PTCRA: variants seen among roughly 807,000 people sequenced by gnomAD.
PTCRA encodes the protein pre T-cell antigen receptor alpha.
Under a neutral mutation model 13.4 loss-of-function variants are expected in PTCRA, and 9 were observed. The ratio of observed to expected loss-of-function variants is 0.67; its 90% CI spans 0.41 to 1.18. The LOEUF (loss-of-function observed/expected upper bound fraction) is 1.18, where lower values mean the gene tolerates loss of function less well. PTCRA is among the 50% of genes most tolerant of loss of function. The pLI is 0.01. For synonymous variants in PTCRA, 153 were observed against 161.9 expected (o/e 0.94, Z 0.42); for missense variants, 353 against 359.8 (o/e 0.98, Z 0.15).
Position 42,925,734 on chromosome 6 carries a change from C to A in PTCRA, c.*52C>A. The A allele has an allele frequency of 7.6e-7, 1 of 1,320,158 alleles. No individual in the cohort carries two copies. Among genetic ancestry groups the A allele is most frequent in the Non-Finnish European group, 1.0e-6 (1 of 980,220 alleles). The allele number at this position is 1,320,158 out of a possible 1,614,324, so 81.8% of individuals were successfully genotyped here. ...ACACTGTGTGAGGCTGTGTCTCTGC[C>A]ATCCAAAAGGGGGCCCCTTGAGAAT... On this transcript the variant is annotated 3_prime_UTR_variant, in exon 4 of 4. Coordinates refer to ENST00000304672, the MANE Select transcript of PTCRA (RefSeq NM_138296.3). The surrounding 1 kb of genome is among the most constrained non-coding windows in gnomAD (Gnocchi z 4.4).
intron 1 of PTCRA, among the ~76,000 whole-genome samples, chr6:42,919,398 T>C (rs1011299632): frequency 1.3e-5 from 2 of 152,078 alleles, no homozygotes; most frequent in African/African-American, 4.8e-5. Context: ...GACATTTCTT[T>C]CGTTTGGCTA....
chr6:42,916,212 T>G, intron 1 of PTCRA, 85 bp downstream of exon 1: 1 of 1,325,276 alleles, frequency 7.5e-7, no homozygotes, highest in Non-Finnish European at 1.1e-6. Context: ...TGGGTACTGA[T>G]GGGCTGCAGG....
chr6:42,924,498 T>C (rs768418672), intron 3 of PTCRA: 17 of 600,996 alleles, frequency 2.8e-5, no homozygotes, highest in Non-Finnish European at 4.7e-5. Context: ...TCCTGGACAT[T>C]AGTTGAGAAG....
At chr6:42,923,866 G>A (rs1767304508) in intron 2 of PTCRA, among the ~76,000 whole-genome samples, 1 of 152,196 alleles carries the variant, frequency 6.6e-6, no homozygotes, top group Non-Finnish European at 1.5e-5. Flanking sequence ...TCACTGACCA[G>A]ATGACTTACT....
intron 1 of PTCRA, chr6:42,922,362 T>C: frequency 1.5e-6 from 1 of 652,298 alleles, no homozygotes; most frequent in Non-Finnish European, 2.8e-6. Context: ...CTCTAGTTCC[T>C]GGAACAGAAA....
At chr6:42,918,063 C>T (rs1766962415) in intron 1 of PTCRA, among the ~76,000 whole-genome samples, 1 of 152,066 alleles carries the variant, frequency 6.6e-6, no homozygotes, top group Admixed American at 6.6e-5. Context: ...TGAGACCAGC[C>T]TGGCCAACAT....
rs573173673 is a variant in PTCRA at position 42,916,248 on chromosome 6, ACCTCTGGGGAGGGTC to A, written c.58+135_58+149del. The A allele has an allele frequency of 5.7e-3, 5,674 of 1,000,366 alleles. 34 individuals carry two copies. The highest frequency in any genetic ancestry group is 0.016 in the Middle Eastern group (76 of 4,656). The allele number at this position is 1,000,366 out of a possible 1,614,324, so 62.0% of individuals were successfully genotyped here. A position where few individuals can be genotyped will look rare whatever the true frequency, so the allele number is the denominator to read the frequency against. ...GAGGCAGGACAAGAGATATTTAGGG[ACCTCTGGGGAGGGTC>A]CCTCTGGGGAGGGGACCTCTGGGGA... is the stretch of plus-strand genomic sequence containing the variant. On this transcript the variant is annotated intron_variant, in intron 1 of 3. Coordinates refer to ENST00000304672, the MANE Select transcript of PTCRA (RefSeq NM_138296.3).
chr6:42,918,378 A>AC (rs1427352074), intron 1 of PTCRA, among the ~76,000 whole-genome samples: 15 of 151,344 alleles, frequency 9.9e-5, no homozygotes, highest in African/African-American at 3.2e-4. Context: ...AGATGGTGAA[A>AC]CCCCATCTCT....
At chr6:42,916,704 C>T (rs1766891382) in intron 1 of PTCRA, among the ~76,000 whole-genome samples, 1 of 152,158 alleles carries the variant, frequency 6.6e-6, no homozygotes, top group Admixed American at 6.6e-5. Context: ...CCAAAGGACT[C>T]ATGTTTTGAG....
chr6:42,922,444 A>G (rs1767219909), intron 1 of PTCRA, among the ~76,000 whole-genome samples: 1 of 152,110 alleles, frequency 6.6e-6, no homozygotes, highest in Non-Finnish European at 1.5e-5. Context: ...CATAGATGAA[A>G]GGTAGAAAGA....
Position 42,925,716 on chromosome 6 carries a change from G to A in PTCRA, c.*34G>A. ...CTCTACCTCCCCTGCGTCACACTGTGTGAGGCTGTGTCTCTGCCATCCAAA... is the reference window on the plus strand; with the variant it reads ...CTCTACCTCCCCTGCGTCACACTGTATGAGGCTGTGTCTCTGCCATCCAAA... On this transcript the variant is annotated 3_prime_UTR_variant, in exon 4 of 4. Coordinates refer to ENST00000304672, the MANE Select transcript of PTCRA (RefSeq NM_138296.3). This position sits in a 1 kb window ranked among gnomAD's most constrained non-coding sequence, Gnocchi z 4.4. 1 of 1,423,244 alleles carries A rather than the reference G, an allele frequency of 7.0e-7. No individual in the cohort carries two copies. The highest frequency in any genetic ancestry group is 9.4e-7 in the Non-Finnish European group (1 of 1,061,198). 88.2% of individuals were successfully genotyped at this position (1,423,244 alleles called of 1,614,324 possible). A position where few individuals can be genotyped will look rare whatever the true frequency, so the allele number is the denominator to read the frequency against.
In PTCRA at chr6:42,924,249, A is replaced by G. The variant is rs761444307; in HGVS notation, c.400A>G (p.Thr134Ala). 6.8e-6 allele frequency: 11 copies of G among 1,611,736 alleles called. No homozygotes were observed. Among genetic ancestry groups the G allele is most frequent in the Non-Finnish European group, 4.2e-6 (5 of 1,179,262 alleles). Residue 134 changes from threonine to alanine, a missense_variant, in exon 3 of 4, where the codon ACC (threonine) becomes GCC (alanine). Physicochemically the swap from Thr to Ala is moderately conservative, Grantham distance 58. Coordinates refer to ENST00000304672, the MANE Select transcript of PTCRA (RefSeq NM_138296.3). ...HLSGEASTAR[T>A]CPQEPLRGTP... is the part of the protein sequence containing the mutation. Reference sequence around the variant, plus strand: ...AACAGGAGAGGCTTCTACAGCCAGGACCTGCCCCCAGGAGCCTCTCAGGGG... The same window carrying G: ...AACAGGAGAGGCTTCTACAGCCAGGGCCTGCCCCCAGGAGCCTCTCAGGGG...
At chr6:42,922,316 T>C (rs1767212184) in intron 1 of PTCRA, 3 of 696,452 alleles carry the variant, frequency 4.3e-6, no homozygotes, top group Middle Eastern at 4.6e-4. Context: ...ACTGAGTTCC[T>C]TGAGAGCAGG....
chr6:42,920,385 G>C (rs1767096579), intron 1 of PTCRA, among the ~76,000 whole-genome samples: 2 of 151,682 alleles, frequency 1.3e-5, no homozygotes, highest in African/African-American at 4.8e-5. Context: ...GGAAAATATA[G>C]GAAAAATGTT....
chr6:42,920,639 A>G (rs558195801), intron 1 of PTCRA, among the ~76,000 whole-genome samples: 1 of 151,448 alleles, frequency 6.6e-6, no homozygotes, highest in African/African-American at 2.4e-5. Flanking sequence ...GTTAGCCAGG[A>G]TGGTCTCTAT....
intron 1 of PTCRA, among the ~76,000 whole-genome samples, chr6:42,919,914 C>T (rs1767065604): frequency 6.7e-6 from 1 of 150,172 alleles, no homozygotes; most frequent in South Asian, 2.1e-4. Flanking sequence ...GGTGTTGTGA[C>T]ACGTGCCTGT....
chr6:42,923,888 GATTATCTCA>G (rs1378925871), intron 2 of PTCRA, among the ~76,000 whole-genome samples: 3 of 152,164 alleles, frequency 2.0e-5, no homozygotes, highest in African/African-American at 7.2e-5. Flanking sequence ...CCTCTCTAGG[GATTATCTCA>G]ATTTTGTCAT....
rs1265900636 is a variant in PTCRA, at chr6:42,925,035, G to GC, written c.425-221dup. On this transcript the variant is annotated intron_variant, in intron 3 of 3. Coordinates refer to ENST00000304672, the MANE Select transcript of PTCRA (RefSeq NM_138296.3). This position sits in a 1 kb window ranked among gnomAD's most constrained non-coding sequence, Gnocchi z 4.4. ...TCAGATGCTAATTAATTCCTGCGTG[G>GC]CCCCCACCCCTACCCCCATGATTGT... Among the ~76,000 whole-genome samples the GC allele has an allele frequency of 8.6e-5, 13 of 151,984 alleles. No homozygotes were observed. Among genetic ancestry groups the GC allele is most frequent in the Non-Finnish European group, 1.9e-4 (13 of 67,990 alleles).
At chr6:42,924,162 A>T (rs1241611140) in intron 2 of PTCRA, 67 bp from the exon 3 acceptor site, 5 of 1,390,870 alleles carry the variant, frequency 3.6e-6, no homozygotes, top group Non-Finnish European at 4.9e-6. Flanking sequence ...TGGGCATAGC[A>T]CTGGGGATGC....
Sources: gnomAD v4.1 joint callset for allele counts (sites outside exome capture counted in the v4.1 genomes callset) on GRCh38, gnomAD v4.1.1 for gene constraint, Gnocchi (gnomAD v3.1) non-coding constraint, MANE v1.5 for transcripts, NCBI Gene and HGNC (gene_info 2026-07-23, HGNC 2026-07-21) for gene names.